Variants in KMT2C observed in about 807,000 individuals in gnomAD.
KMT2C encodes lysine methyltransferase 2C.
In KMT2C, 88 loss-of-function variants were observed where a neutral mutation model predicts 507.9. The observed-to-expected ratio is 0.17, with a 90% CI of 0.15 to 0.21. KMT2C has a LOEUF of 0.21. Among genes scored for constraint, KMT2C ranks in the 10% least tolerant of loss-of-function variants. The probability of loss-of-function intolerance (pLI) is 1.00; values close to 1 mark genes in which losing one functional copy is unlikely to be tolerated. For synonymous variants in KMT2C, 2,049 were observed against 2,080.8 expected (o/e 0.98, Z 0.42); for missense variants, 4,954 against 5,957.8 (o/e 0.83, Z 5.55).
At position 152,221,982 on chromosome 7, in the gene KMT2C, A is replaced by T. The variant is rs779606900; in HGVS notation, c.3499+19T>A. 3.2e-6 allele frequency: 5 copies of T among 1,565,932 alleles called. No homozygotes were observed. The East Asian group carries it at 9.1e-5, about 28-fold the overall frequency. ...GCAAAGTAAATTAATTAAATCAAGT[A>T]AAGCATTTCAAATTTTACCTAGCTC... is the stretch of plus-strand genomic sequence containing the variant. On this transcript the variant is annotated intron_variant, in intron 22 of 58. Coordinates refer to ENST00000262189, the MANE Select transcript of KMT2C (RefSeq NM_170606.3).
At chr7:152,283,168 AT>A (rs1048265988) in intron 6 of KMT2C, among the ~76,000 whole-genome samples, 6 of 152,332 alleles carry the variant, frequency 3.9e-5, no homozygotes, top group Admixed American at 2.0e-4. Flanking sequence ...ATCCACCCCC[AT>A]TTTTTTGGTT....
chr7:152,208,887 C>T (rs2094380056), intron 23 of KMT2C, among the ~76,000 whole-genome samples: 1 of 152,172 alleles, frequency 6.6e-6, no homozygotes, highest in Non-Finnish European at 1.5e-5. Flanking sequence ...GTTTATAGGC[C>T]AGGCACGGTG....
chr7:152,375,652 T>C (rs938415964), intron 1 of KMT2C, among the ~76,000 whole-genome samples: 1 of 152,180 alleles, frequency 6.6e-6, no homozygotes, highest in African/African-American at 2.4e-5. Flanking sequence ...TCCCAAGTGC[T>C]GGGATTACAG....
intron 28 of KMT2C, 77 bp from the exon 29 acceptor site, chr7:152,194,645 A>G (rs2129129934): frequency 9.3e-7 from 1 of 1,071,682 alleles, no homozygotes; most frequent in Non-Finnish European, 1.4e-6. Context: ...ATTTACCTGT[A>G]CTTAGTATAT....
chr7:152,240,370 C>T (rs1221274507), intron 14 of KMT2C, among the ~76,000 whole-genome samples: 32 of 150,362 alleles, frequency 2.1e-4, no homozygotes, highest in South Asian at 8.6e-4. Flanking sequence ...GGATATTTCA[C>T]TGCCTTCCTC....
intron 31 of KMT2C, among the ~76,000 whole-genome samples, chr7:152,190,465 C>T (rs1421791752): frequency 1.3e-5 from 2 of 152,238 alleles, no homozygotes; most frequent in East Asian, 1.9e-4. Flanking sequence ...TTCATGAAAA[C>T]CCACTGAAAT....
chr7:152,243,457 C>G (rs1489750808), intron 14 of KMT2C, among the ~76,000 whole-genome samples: 1 of 152,094 alleles, frequency 6.6e-6, no homozygotes, highest in Non-Finnish European at 1.5e-5. Flanking sequence ...AAATACAGTA[C>G]CTATGTTTTC....
rs2129095734 is a variant in KMT2C at position 152,149,120 on chromosome 7, C to T, written c.12807G>A (p.Met4269Ile). ...GAAATGCTTTGGAAGGCGTTTCTCTCATAGGTGATTGTGGCAATGAAGGAA... is the reference window on the plus strand; with the variant it reads ...GAAATGCTTTGGAAGGCGTTTCTCTTATAGGTGATTGTGGCAATGAAGGAA... Reference protein sequence around the residue: ...ESIPSLPQSPMRETPSKAFHQ... With the variant: ...ESIPSLPQSPIRETPSKAFHQ... Residue 4269 changes from methionine (M) to isoleucine (I), a missense_variant, in exon 52 of 59, where the codon ATG (methionine) becomes ATA (isoleucine). By Grantham distance (10) the Met-to-Ile change is conservative. Around this residue, in one of 29 missense-constraint regions of KMT2C, gnomAD observed 417 missense variants for 461.1 expected, o/e 0.90. Coordinates refer to ENST00000262189, the MANE Select transcript of KMT2C (RefSeq NM_170606.3). 6.8e-7 allele frequency: 1 copy of T among 1,474,770 alleles called. No homozygotes were observed. The highest frequency in any genetic ancestry group is 9.0e-7 in the Non-Finnish European group (1 of 1,114,210). The allele number at this position is 1,474,770 out of a possible 1,614,324, so 91.4% of individuals were successfully genotyped here.
intron 1 of KMT2C, among the ~76,000 whole-genome samples, chr7:152,432,837 C>T (rs1023989984): frequency 6.6e-6 from 1 of 152,114 alleles, no homozygotes; most frequent in African/African-American, 2.4e-5. Flanking sequence ...ATACATAAAT[C>T]CACTTCATTG....
chr7:152,139,301 A>C, intron 56 of KMT2C, 42 bp from the exon 57 acceptor site: 1 of 1,575,654 alleles, frequency 6.3e-7, no homozygotes, highest in Non-Finnish European at 8.7e-7. Context: ...TGTCGACCTG[A>C]AACTCCCCTC....
At chr7:152,381,011 G>GA (rs1330113279) in intron 1 of KMT2C, among the ~76,000 whole-genome samples, 2 of 152,278 alleles carry the variant, frequency 1.3e-5, no homozygotes, top group African/African-American at 4.8e-5. Flanking sequence ...TATATACTGG[G>GA]AAAAAATAGC....
chr7:152,251,556 T>A (rs2095562410), intron 11 of KMT2C, among the ~76,000 whole-genome samples: 1 of 152,134 alleles, frequency 6.6e-6, no homozygotes, highest in African/African-American at 2.4e-5. Flanking sequence ...AATCTTGGGC[T>A]GAAAAGGTGA....
chr7:152,149,025 G>A lies in KMT2C; in HGVS notation c.12902C>T (p.Pro4301Leu), dbSNP rs2129095668. 1 of 1,539,618 alleles carries A rather than the reference G, an allele frequency of 6.5e-7. No individual in the cohort carries two copies. ...CLPQLPEKAS[P>L]PASPPIAFPP... The stretch of plus-strand genomic sequence containing the variant: ...GAAGGCGATGGGTGGTGAGGCAGGG[G>A]GAGAAGCTTTCTCTGGGAGCTGGGG... Residue 4301 changes from proline to leucine, a missense_variant, in exon 52 of 59, where the codon CCC (proline) becomes CTC (leucine). Physicochemically the swap from Pro to Leu is moderately conservative, Grantham distance 98 (BLOSUM62 -3). Transcript: ENST00000262189.
intron 3 of KMT2C, among the ~76,000 whole-genome samples, chr7:152,327,332 C>T (rs751323968): frequency 6.6e-6 from 1 of 152,168 alleles, no homozygotes; most frequent in Non-Finnish European, 1.5e-5. Flanking sequence ...TGACAGTGTG[C>T]TACTCACAGG....
At chr7:152,150,581 T>A (rs1462287100) in intron 51 of KMT2C, among the ~76,000 whole-genome samples, 3 of 152,106 alleles carry the variant, frequency 2.0e-5, no homozygotes, top group African/African-American at 4.8e-5. Flanking sequence ...GCCAATGCCC[T>A]TCAGCCTGTG....
intron 6 of KMT2C, among the ~76,000 whole-genome samples, chr7:152,290,686 G>A (rs1421277924): frequency 2.0e-5 from 3 of 151,970 alleles, no homozygotes; most frequent in African/African-American, 7.3e-5. Context: ...CAAACCACTT[G>A]AAAAACTTGC....
chr7:152,222,728 C>T (rs1273993302), intron 20 of KMT2C, 46 bp from the exon 21 acceptor site: 1 of 1,026,368 alleles, frequency 9.7e-7, no homozygotes, highest in South Asian at 1.3e-5. Context: ...ATGGAATATA[C>T]TGAGAACTGC....
intron 1 of KMT2C, among the ~76,000 whole-genome samples, chr7:152,428,149 A>T (rs748601316): frequency 1.4e-4 from 21 of 152,204 alleles, no homozygotes; most frequent in Non-Finnish European, 2.9e-4. Context: ...AATACTGTAA[A>T]TACCTGCTTT....
intron 3 of KMT2C, among the ~76,000 whole-genome samples, chr7:152,321,496 T>C (rs1171678009): frequency 6.6e-6 from 1 of 151,886 alleles, no homozygotes; most frequent in Non-Finnish European, 1.5e-5. Context: ...TATTTGCTGA[T>C]GGCATGATCT....
Sources: gnomAD v4.1 joint callset for allele counts (sites outside exome capture counted in the v4.1 genomes callset) on GRCh38, gnomAD v4.1.1 for gene constraint, gnomAD v4.1.1 regional missense constraint, MANE v1.5 for transcripts, NCBI Gene and HGNC (gene_info 2026-07-23, HGNC 2026-07-21) for gene names.